Variants in WDPCP observed in about 807,000 individuals in gnomAD.
WDPCP encodes the protein WD repeat-containing and planar cell polarity effector protein fritz homolog.
A neutral mutation model predicts 93.1 loss-of-function variants in WDPCP; 71 were observed. The ratio of observed to expected loss-of-function variants is 0.76; its 90% CI spans 0.63 to 0.93. The LOEUF is 0.93. Among genes scored for constraint, WDPCP ranks in the 40% least tolerant of loss-of-function variants. WDPCP has a pLI of 0.00. For synonymous variants in WDPCP, 315 were observed against 315.0 expected (o/e 1.00, Z 0.00); for missense variants, 844 against 887.4 (o/e 0.95, Z 0.62).
chr2:63,205,755 T>C (rs1478189427), intron 14 of WDPCP, among the ~76,000 whole-genome samples: 2 of 152,194 alleles, frequency 1.3e-5, no homozygotes, highest in East Asian at 3.8e-4. Context: ...AAGTGTAAGA[T>C]CATAGCATCT....
intron 2 of WDPCP, among the ~76,000 whole-genome samples, chr2:63,756,846 T>C (rs1207166985): frequency 1.3e-5 from 2 of 152,162 alleles, no homozygotes; most frequent in Non-Finnish European, 2.9e-5. Context: ...CATGGGAAAA[T>C]TCAGACAGAG....
chr2:63,532,050 A>T (rs1703894322), intron 1 of WDPCP, among the ~76,000 whole-genome samples: 1 of 152,212 alleles, frequency 6.6e-6, no homozygotes, highest in South Asian at 2.1e-4. Context: ...ATGGCACGAG[A>T]ACTACGTGAC....
At chr2:63,563,303 T>C (rs1007869235) in intron 1 of WDPCP, among the ~76,000 whole-genome samples, 3 of 151,882 alleles carry the variant, frequency 2.0e-5, no homozygotes, top group African/African-American at 7.3e-5. Context: ...ATGCCACATA[T>C]GGAACGTATA....
rs527589012 is a variant in WDPCP at position 63,178,281 on chromosome 2, A to G, written c.1916-3449T>C. 2.0e-5 allele frequency among the ~76,000 whole-genome samples: 3 copies of G among 152,250 alleles called. No individual in the cohort carries two copies. The East Asian group carries it at 5.8e-4, about 29-fold the overall frequency. On this transcript the variant is annotated intron_variant, in intron 14 of 17. Transcript: ENST00000272321. Reference sequence around the variant, plus strand: ...ATTTTTTTGGAAGAGTTTGAGGAGAATGGGTGCTAATTCTTTAAATATTTG... The same window carrying G: ...ATTTTTTTGGAAGAGTTTGAGGAGAGTGGGTGCTAATTCTTTAAATATTTG...
intron 9 of WDPCP, among the ~76,000 whole-genome samples, chr2:63,409,090 C>T (rs931771350): frequency 3.3e-5 from 5 of 152,326 alleles, no homozygotes; most frequent in African/African-American, 4.8e-5. Flanking sequence ...AGGAGGCCAA[C>T]GACCACTAAA....
chr2:63,589,027 C>G (rs749814011), upstream of WDPCP: 2 of 1,614,208 alleles, frequency 1.2e-6, no homozygotes, highest in South Asian at 2.2e-5. Flanking sequence ...TTGAAATTGT[C>G]CCCGCAGTTT....
At chr2:63,265,357 C>T (rs1682012210) in intron 13 of WDPCP, among the ~76,000 whole-genome samples, 1 of 151,976 alleles carries the variant, frequency 6.6e-6, no homozygotes. Context: ...CTGTATACCA[C>T]AGAAATACAA....
chr2:63,644,652 C>G (rs1214192186), intron 3 of WDPCP, among the ~76,000 whole-genome samples: 2 of 152,166 alleles, frequency 1.3e-5, no homozygotes, highest in East Asian at 3.8e-4. Context: ...CTTTTCTTTA[C>G]TGTGACACTT....
chr2:63,414,647 G>A (rs543429651), intron 9 of WDPCP, among the ~76,000 whole-genome samples: 1 of 152,292 alleles, frequency 6.6e-6, no homozygotes, highest in South Asian at 2.1e-4. Flanking sequence ...AAAATCTTAT[G>A]TTCTCACTGA....
intron 3 of WDPCP, among the ~76,000 whole-genome samples, chr2:63,610,615 C>A (rs1411086999): frequency 2.0e-5 from 3 of 151,892 alleles, no homozygotes; most frequent in African/African-American, 7.3e-5. Context: ...TCTTTGCTCA[C>A]CTGACTCCCA....
intron 2 of WDPCP, among the ~76,000 whole-genome samples, chr2:63,718,431 C>T (rs746675561): frequency 3.4e-4 from 52 of 152,094 alleles, no homozygotes; most frequent in African/African-American, 6.3e-4. Flanking sequence ...TGTTTTTTAA[C>T]GTTTTATTAA....
chr2:63,535,919 A>G (rs1213143520), intron 1 of WDPCP, among the ~76,000 whole-genome samples: 1 of 152,246 alleles, frequency 6.6e-6, no homozygotes, highest in Non-Finnish European at 1.5e-5. Flanking sequence ...AGCAGAGTGA[A>G]CAGGCAACCT....
chr2:63,722,417 C>G (rs1347702761), intron 2 of WDPCP, among the ~76,000 whole-genome samples: 4 of 150,314 alleles, frequency 2.7e-5, no homozygotes, highest in Admixed American at 2.0e-4. Context: ...TCTGCCCGGC[C>G]GCGACCCCAT....
At chr2:63,689,112 C>T (rs1668854636) in intron 2 of WDPCP, among the ~76,000 whole-genome samples, 2 of 152,120 alleles carry the variant, frequency 1.3e-5, no homozygotes, top group East Asian at 1.9e-4. Context: ...GTTTTAACAA[C>T]AGAAAATGTG....
intron 2 of WDPCP, among the ~76,000 whole-genome samples, chr2:63,786,733 C>CA (rs1415407503): frequency 6.6e-6 from 1 of 151,796 alleles, no homozygotes; most frequent in Admixed American, 6.6e-5. Flanking sequence ...AAACAGACTG[C>CA]AAAAAATCCA....
chr2:63,185,397 CCT>C (rs1171179017), intron 14 of WDPCP, among the ~76,000 whole-genome samples: 12 of 151,910 alleles, frequency 7.9e-5, no homozygotes, highest in African/African-American at 2.9e-4. Flanking sequence ...GACTTCCCCC[CCT>C]CTCCCCCACC....
At chr2:63,405,181 G>C (rs1389304681) in intron 9 of WDPCP, among the ~76,000 whole-genome samples, 1 of 152,068 alleles carries the variant, frequency 6.6e-6, no homozygotes, top group African/African-American at 2.4e-5. Context: ...CTAATTAGTA[G>C]GGCTGGGTAG....
chr2:63,807,023 G>T (rs924364790), intron 2 of WDPCP, among the ~76,000 whole-genome samples: 2 of 152,180 alleles, frequency 1.3e-5, no homozygotes, highest in Admixed American at 6.5e-5. Context: ...GAAATCACAA[G>T]GGTATTGATT....
At chr2:63,396,557 G>A (rs1219889878) in intron 10 of WDPCP, among the ~76,000 whole-genome samples, 1 of 152,164 alleles carries the variant, frequency 6.6e-6, no homozygotes, top group African/African-American at 2.4e-5. Context: ...GAGTGAGCGT[G>A]AGAGCACACA....
Sources: gnomAD v4.1 joint callset for allele counts (sites outside exome capture counted in the v4.1 genomes callset) on GRCh38, gnomAD v4.1.1 for gene constraint, MANE v1.5 for transcripts, NCBI Gene and HGNC (gene_info 2026-07-23, HGNC 2026-07-21) for gene names.